The following TMEM245 variants were observed in gnomAD, a reference collection of about 807,000 sequenced individuals.
TMEM245 encodes protein CG-2.
TMEM245 carries 69 observed loss-of-function variants against 101.2 expected under a neutral mutation model. That is an observed-to-expected ratio of 0.68 (90% confidence interval 0.56 to 0.83). The LOEUF (loss-of-function observed/expected upper bound fraction) is 0.83, where lower values mean the gene tolerates loss of function less well. Ranked by LOEUF, TMEM245 falls within the 40% of genes least tolerant of loss-of-function variation. The probability of loss-of-function intolerance (pLI) is 0.00; values close to 1 mark genes in which losing one functional copy is unlikely to be tolerated. For synonymous variants in TMEM245, 537 were observed against 449.8 expected, an observed-to-expected ratio of 1.19 and a Z score of -2.45; for missense variants, 1,075 against 1,092.8, an observed-to-expected ratio of 0.98 and a Z score of 0.23.
At chr9:109,072,954 G>T (rs1363353300) in intron 9 of TMEM245, among the ~76,000 whole-genome samples, 2 of 152,206 alleles carry the variant, frequency 1.3e-5, no homozygotes, top group African/African-American at 4.8e-5. Flanking sequence ...GGTTATAAAT[G>T]ACTCTGCCAC....
chr9:109,086,030 A>AGG lies in TMEM245; in HGVS notation c.1321-12_1321-11dup. The AGG allele has an allele frequency of 6.2e-7, 1 of 1,607,484 alleles. No individual in the cohort carries two copies. Among genetic ancestry groups the AGG allele is most frequent in the Non-Finnish European group, 8.5e-7 (1 of 1,179,814 alleles). Reference sequence around the variant, plus strand: ...TTAGCCAGTGCCAGAGCTTGAGGATAGGGGGTAAGGTGAGAAAGAGAAGAT... The same window carrying AGG: ...TTAGCCAGTGCCAGAGCTTGAGGATAGGGGGGGTAAGGTGAGAAAGAGAAGAT... On this transcript the variant is annotated splice_polypyrimidine_tract_variant and intron_variant, in intron 6 of 17. Transcript: ENST00000374586.
intron 17 of TMEM245, among the ~76,000 whole-genome samples, chr9:109,032,512 G>A (rs1319352052): frequency 3.4e-5 from 5 of 148,766 alleles, no homozygotes; most frequent in Non-Finnish European, 7.4e-5. Flanking sequence ...AGCCTCCCGA[G>A]TAGCTGGGAT....
At chr9:109,048,489 A>C (rs1489260531) in intron 14 of TMEM245, among the ~76,000 whole-genome samples, 1 of 152,206 alleles carries the variant, frequency 6.6e-6, no homozygotes, top group Non-Finnish European at 1.5e-5. Context: ...ATATTTATTA[A>C]AAGTATGTGG....
At chr9:109,031,612 T>C (rs1827945980) in intron 17 of TMEM245, among the ~76,000 whole-genome samples, 1 of 152,220 alleles carries the variant, frequency 6.6e-6, no homozygotes, top group Non-Finnish European at 1.5e-5. Context: ...CAGTGGGGTC[T>C]GACTGAGAGG....
intron 3 of TMEM245, among the ~76,000 whole-genome samples, chr9:109,099,238 T>G (rs185182270): frequency 2.6e-5 from 4 of 152,288 alleles, no homozygotes; most frequent in African/African-American, 7.2e-5. Flanking sequence ...ACCAGTAGAC[T>G]TTTCTCTAGG....
At chr9:109,077,135 C>T (rs902810800) in intron 8 of TMEM245, among the ~76,000 whole-genome samples, 6 of 151,502 alleles carry the variant, frequency 4.0e-5, no homozygotes, top group Non-Finnish European at 8.8e-5. Flanking sequence ...TGACTGACCG[C>T]GTTTTTTGGC....
intron 4 of TMEM245, among the ~76,000 whole-genome samples, chr9:109,092,223 A>G (rs1454803735): frequency 6.6e-6 from 1 of 152,246 alleles, no homozygotes; most frequent in Admixed American, 6.5e-5. Context: ...TCTCATATAT[A>G]GGAGGTGCTC....
chr9:109,117,055 CCT>C (rs1482987203), intron 1 of TMEM245, among the ~76,000 whole-genome samples: 2 of 151,698 alleles, frequency 1.3e-5, no homozygotes, highest in African/African-American at 2.4e-5. Context: ...TTTTTTTAAC[CCT>C]CTCTCTTTTT....
rs80000186 is a variant in TMEM245, at chr9:109,071,302, T to C, written c.1532+2054A>G. Among the ~76,000 whole-genome samples the C allele has an allele frequency of 4.6e-5, 7 of 152,168 alleles. No homozygotes were observed. In the East Asian group the frequency reaches 1.4e-3, roughly 30 times the overall value. On this transcript the variant is annotated intron_variant, in intron 9 of 17. Transcript: ENST00000374586. ...CACAATTTATATTTCAAAAGAAATA[T>C]ACTTCTTTTATGAAGATTCAAATAG...
At chr9:109,087,423 A>C (rs1829876274) in intron 5 of TMEM245, 81 bp from the exon 6 acceptor site, 2 of 1,323,416 alleles carry the variant, frequency 1.5e-6, no homozygotes, top group Non-Finnish European at 2.0e-6. Context: ...TAATTTCACA[A>C]AACCTTTCTA....
intron 17 of TMEM245, among the ~76,000 whole-genome samples, chr9:109,024,223 C>G (rs901821916): frequency 3.3e-5 from 5 of 152,172 alleles, no homozygotes; most frequent in African/African-American, 1.2e-4. Context: ...TTTCCTACAC[C>G]GGCACCAGCA....
intron 17 of TMEM245, among the ~76,000 whole-genome samples, chr9:109,029,146 A>G (rs1564168522): frequency 6.6e-6 from 1 of 152,246 alleles, no homozygotes. Context: ...GATAAAGTTG[A>G]AGAAATCACC....
Position 109,087,944 on chromosome 9 carries a change from G to T in TMEM245, c.1151-602C>A, listed in dbSNP as rs1829889050. Reference sequence around the variant, plus strand: ...GAATACTAGCAGGGCTGCTACAAATGGCCCAAGGCTGTGCACGGCAACTTC... The same window carrying T: ...GAATACTAGCAGGGCTGCTACAAATTGCCCAAGGCTGTGCACGGCAACTTC... On this transcript the variant is annotated intron_variant, in intron 5 of 17. Transcript: ENST00000374586. Among the ~76,000 whole-genome samples, 6 of 152,288 alleles carry T rather than the reference G, an allele frequency of 3.9e-5. No homozygotes were observed. In the South Asian group the frequency reaches 1.0e-3, roughly 26 times the overall value.
At chr9:109,099,593 T>C (rs1338788523) in intron 3 of TMEM245, among the ~76,000 whole-genome samples, 1 of 152,172 alleles carries the variant, frequency 6.6e-6, no homozygotes, top group Non-Finnish European at 1.5e-5. Flanking sequence ...CTAAGTTTCT[T>C]CATTTGTAAA....
chr9:109,064,757 T>C lies in TMEM245; in HGVS notation c.1533-190A>G, dbSNP rs544723062. ...TAAGTCTCTAACATTCAGGATGTCC[T>C]TTCAATCTTTCCTTAGCTTTTATTT... On this transcript the variant is annotated intron_variant, in intron 9 of 17. Transcript: ENST00000374586. Among the ~76,000 whole-genome samples, 9 of 152,334 alleles carry C rather than the reference T, an allele frequency of 5.9e-5. No homozygotes were observed. In the East Asian group the frequency reaches 9.6e-4, roughly 16 times the overall value.
intron 4 of TMEM245, among the ~76,000 whole-genome samples, chr9:109,092,112 C>G (rs931985460): frequency 6.6e-6 from 1 of 152,144 alleles, no homozygotes; most frequent in African/African-American, 2.4e-5. Flanking sequence ...TCTACTTATC[C>G]TTTCTCATTC....
At position 109,036,392 on chromosome 9, in the gene TMEM245, G is replaced by C; in HGVS notation, c.2225-12C>G. ...GATTGCTGCTAATGCTGAAAAAAGA[G>C]TAAAAGAAAAACAACTTAACATCAT... On this transcript the variant is annotated splice_polypyrimidine_tract_variant and intron_variant, in intron 15 of 17. Coordinates refer to ENST00000374586, the MANE Select transcript of TMEM245 (RefSeq NM_032012.4). 1 of 1,565,126 alleles carries C rather than the reference G, an allele frequency of 6.4e-7. No homozygotes were observed.
chr9:109,109,902 T>C (rs1254296151), intron 1 of TMEM245, among the ~76,000 whole-genome samples: 1 of 152,172 alleles, frequency 6.6e-6, no homozygotes, highest in African/African-American at 2.4e-5. Context: ...TACTATATGG[T>C]GGGAGGAAAA....
chr9:109,050,277 CCCTA>C lies in TMEM245; in HGVS notation c.2123+2_2123+5del, dbSNP rs1828633953. On this transcript the variant is annotated splice_donor_variant and splice_donor_5th_base_variant and intron_variant, in intron 14 of 17. Coordinates refer to ENST00000374586, the MANE Select transcript of TMEM245 (RefSeq NM_032012.4). LOFTEE classifies it high-confidence loss of function. The stretch of plus-strand genomic sequence containing the variant: ...GAAATAAGAATAGCATAAACCTTAT[CCCTA>C]CCTGATAGCTTCTTCCACAGACTGG... 1.2e-6 allele frequency: 2 copies of C among 1,613,876 alleles called. No individual in the cohort carries two copies. The highest frequency in any genetic ancestry group is 1.7e-6 in the Non-Finnish European group (2 of 1,179,954).
Sources: allele counts gnomAD v4.1 joint callset (sites outside exome capture counted in the v4.1 genomes callset), GRCh38; gene constraint gnomAD v4.1.1; transcripts MANE v1.5; gene names NCBI Gene and HGNC (gene_info 2026-07-23, HGNC 2026-07-21).